The following GPD1L variants were observed in gnomAD, a reference collection of about 807,000 sequenced individuals.
The protein encoded by GPD1L is glycerol-3-phosphate dehydrogenase 1-like protein.
In GPD1L, 17 loss-of-function variants were observed where a neutral mutation model predicts 32.9. That is an observed-to-expected ratio of 0.52 (90% CI 0.35 to 0.78). The LOEUF (loss-of-function observed/expected upper bound fraction) is 0.78. Ranked by LOEUF, GPD1L falls within the 30% of genes least tolerant of loss-of-function variation. The probability of loss-of-function intolerance (pLI) is 0.01; values close to 1 mark genes in which losing one functional copy is unlikely to be tolerated. For missense variants in GPD1L, 361 were observed against 447.8 expected (o/e 0.81, Z 1.75); for synonymous variants, 187 against 165.9 (o/e 1.13, Z -0.98).
chr3:32,113,890 G>A (rs1019752552), intron 1 of GPD1L, among the ~76,000 whole-genome samples: 4 of 152,050 alleles, frequency 2.6e-5, no homozygotes, highest in Non-Finnish European at 5.9e-5. Flanking sequence ...GTCTCACTCT[G>A]TCACCCAGGC....
chr3:32,138,517 A>G, intron 2 of GPD1L, 70 bp from the exon 3 acceptor site: 1 of 1,404,506 alleles, frequency 7.1e-7, no homozygotes, highest in Non-Finnish European at 1.0e-6. Flanking sequence ...ATGGTCAGTG[A>G]GTGAAACCTT....
At chr3:32,158,148 T>C (rs1701021147) in intron 5 of GPD1L, among the ~76,000 whole-genome samples, 1 of 152,214 alleles carries the variant, frequency 6.6e-6, no homozygotes, top group South Asian at 2.1e-4. Flanking sequence ...TGACAGGAGA[T>C]AATTAAATCA....
intron 1 of GPD1L, among the ~76,000 whole-genome samples, chr3:32,117,132 A>T (rs779396343): frequency 2.4e-4 from 37 of 152,210 alleles, no homozygotes; most frequent in Non-Finnish European, 5.1e-4. Context: ...AGCCCTTTCC[A>T]TATCTATACA....
chr3:32,108,991 A>C (rs937902742), intron 1 of GPD1L, among the ~76,000 whole-genome samples: 15 of 152,178 alleles, frequency 9.9e-5, no homozygotes, highest in Non-Finnish European at 2.2e-4. Flanking sequence ...CTGGGACTAC[A>C]GGCATCCGCC....
At chr3:32,136,614 G>C (rs983068106) in intron 2 of GPD1L, among the ~76,000 whole-genome samples, 8 of 152,200 alleles carry the variant, frequency 5.3e-5, no homozygotes, top group Admixed American at 2.0e-4. Context: ...GTGTGAGGGA[G>C]TAACTCTTAG....
At chr3:32,163,549 T>G (rs1701103367) in intron 7 of GPD1L, among the ~76,000 whole-genome samples, 1 of 152,232 alleles carries the variant, frequency 6.6e-6, no homozygotes, top group South Asian at 2.1e-4. Flanking sequence ...TCTTCCAAAC[T>G]GATCTAATTG....
chr3:32,137,275 T>A (rs1292451679), intron 2 of GPD1L, among the ~76,000 whole-genome samples: 1 of 152,204 alleles, frequency 6.6e-6, no homozygotes. Context: ...AAAATAACAG[T>A]GGTCTAAGCA....
chr3:32,165,796 A>G lies in GPD1L; in HGVS notation c.960-18A>G, dbSNP rs780858620. ...TCCAGTGGCCTAACTTTGTCTTTTCACATTTCCTCCCAACTAGGTTTCCAT... is the reference window on the plus strand; with the variant it reads ...TCCAGTGGCCTAACTTTGTCTTTTCGCATTTCCTCCCAACTAGGTTTCCAT... On this transcript the variant is annotated intron_variant, in intron 7 of 7. Transcript: ENST00000282541. The G allele has an allele frequency of 7.0e-7, 1 of 1,427,524 alleles. No homozygotes were observed. The highest frequency in any genetic ancestry group is 1.7e-5 in the Admixed American group (1 of 59,838). The allele number at this position is 1,427,524 out of a possible 1,614,324, so 88.4% of individuals were successfully genotyped here.
At chr3:32,128,616 C>G (rs1700545876) in intron 2 of GPD1L, among the ~76,000 whole-genome samples, 2 of 152,202 alleles carry the variant, frequency 1.3e-5, no homozygotes, top group South Asian at 4.1e-4. Context: ...AATCCTGTCT[C>G]TGTCATAATC....
intron 7 of GPD1L, among the ~76,000 whole-genome samples, chr3:32,163,321 A>G (rs977099156): frequency 2.0e-5 from 3 of 151,778 alleles, no homozygotes; most frequent in African/African-American, 7.3e-5. Flanking sequence ...GGCGCCCGCC[A>G]CCACGCCCAG....
In GPD1L at chr3:32,159,700, C is replaced by T. The variant is rs1224595535; in HGVS notation, c.959+26C>T. The T allele has an allele frequency of 1.2e-5, 16 of 1,295,628 alleles. 1 individual carries two copies. The highest frequency in any genetic ancestry group is 1.8e-4 in the Middle Eastern group (1 of 5,458). 80.3% of individuals were successfully genotyped at this position (1,295,628 alleles called of 1,614,324 possible). A position where few individuals can be genotyped will look rare whatever the true frequency, so the allele number is the denominator to read the frequency against. ...GTAAGTCTCTCAGTCGCCCATGAGA[C>T]CAGATAAATGTCCATCATTCCTATT... On this transcript the variant is annotated intron_variant, in intron 7 of 7. Coordinates refer to ENST00000282541, the MANE Select transcript of GPD1L (RefSeq NM_015141.4).
chr3:32,140,431 C>A, intron 4 of GPD1L, 65 bp downstream of exon 4: 1 of 1,544,006 alleles, frequency 6.5e-7, no homozygotes, highest in Non-Finnish European at 9.0e-7. Context: ...GTACATATTC[C>A]ATTTCTGATA....
At chr3:32,123,849 GA>G in intron 1 of GPD1L, among the ~76,000 whole-genome samples, 1 of 151,362 alleles carries the variant, frequency 6.6e-6, no homozygotes, top group South Asian at 2.1e-4. Flanking sequence ...TAGACAGACA[GA>G]TAAGACCCAT....
chr3:32,121,421 G>GC (rs1700409532), intron 1 of GPD1L, among the ~76,000 whole-genome samples: 1 of 149,018 alleles, frequency 6.7e-6, no homozygotes, highest in Non-Finnish European at 1.5e-5. Context: ...TCAGAGCTCC[G>GC]CCCTGGCTAG....
chr3:32,159,889 G>A (rs1488357159), intron 7 of GPD1L, among the ~76,000 whole-genome samples: 2 of 152,236 alleles, frequency 1.3e-5, no homozygotes, highest in African/African-American at 4.8e-5. Context: ...CAACTTCAAT[G>A]AAAGGAGCTC....
rs760882628 is a variant in GPD1L at position 32,165,941 on chromosome 3, C to T, written c.*31C>T. 2 of 1,202,376 alleles carry T rather than the reference C, an allele frequency of 1.7e-6. No individual in the cohort carries two copies. Among genetic ancestry groups the T allele is most frequent in the African/African-American group, 3.0e-5 (2 of 67,196 alleles). 74.5% of individuals were successfully genotyped at this position (1,202,376 alleles called of 1,614,324 possible). A position where few individuals can be genotyped will look rare whatever the true frequency, so the allele number is the denominator to read the frequency against. ...ATCATGCAACGTGTTGGGGGAAGTT[C>T]TGCCTTTCTGATCAATCTTTTGGGT... On this transcript the variant is annotated 3_prime_UTR_variant, in exon 8 of 8. Coordinates refer to ENST00000282541, the MANE Select transcript of GPD1L (RefSeq NM_015141.4).
rs539693098 is a variant in GPD1L at position 32,156,568 on chromosome 3, C to G, written c.619-2308C>G. 3.3e-5 allele frequency among the ~76,000 whole-genome samples: 5 copies of G among 152,278 alleles called. No homozygotes were observed. The South Asian group carries it at 1.0e-3, about 32-fold the overall frequency. On this transcript the variant is annotated intron_variant, in intron 5 of 7. Coordinates refer to ENST00000282541, the MANE Select transcript of GPD1L (RefSeq NM_015141.4). ...GGAGAGGGCAAGAGAGGGCTCTGTT[C>G]TGTGGGTCTGTGGGGAGTAGACAGA...
intron 6 of GPD1L, 87 bp from the exon 7 acceptor site, chr3:32,159,481 G>C (rs59329824): frequency 1.4e-6 from 1 of 716,792 alleles, no homozygotes; most frequent in Non-Finnish European, 2.2e-6. Flanking sequence ...AAAAAAAAAA[G>C]AAAAAAAACA....
chr3:32,158,712 T>A, intron 5 of GPD1L, 164 bp from the exon 6 acceptor site: 1 of 1,465,134 alleles, frequency 6.8e-7, no homozygotes, highest in Non-Finnish European at 9.1e-7. Flanking sequence ...CCTTTCGTCA[T>A]CTCTTTCACC....
Sources: allele counts gnomAD v4.1 joint callset (sites outside exome capture counted in the v4.1 genomes callset), GRCh38; gene constraint gnomAD v4.1.1; transcripts MANE v1.5; gene names NCBI Gene and HGNC (gene_info 2026-07-23, HGNC 2026-07-21).